Variants in PDIA3 observed in about 807,000 individuals in gnomAD.
The protein encoded by PDIA3 is protein disulfide-isomerase A3.
Under a neutral mutation model 56.9 loss-of-function variants are expected in PDIA3, and 16 were observed. The ratio of observed to expected loss-of-function variants is 0.28; its 90% CI spans 0.19 to 0.43. PDIA3 has a LOEUF of 0.43. Among genes scored for constraint, PDIA3 ranks in the 20% least tolerant of loss-of-function variants. The probability of loss-of-function intolerance (pLI) is 1.00; values close to 1 mark genes in which losing one functional copy is unlikely to be tolerated. For synonymous variants in PDIA3, 192 were observed against 216.5 expected, an observed-to-expected ratio of 0.89 and a Z score of 0.99; for missense variants, 485 against 621.3, an observed-to-expected ratio of 0.78 and a Z score of 2.33.
intron 4 of PDIA3, among the ~76,000 whole-genome samples, chr15:43,762,426 G>T (rs1166013324): frequency 6.6e-6 from 1 of 151,294 alleles, no homozygotes; most frequent in Non-Finnish European, 1.5e-5. Flanking sequence ...CAGGAGAAAC[G>T]CTTGAACCCG....
At chr15:43,750,884 G>A (rs1463792456) in intron 1 of PDIA3, among the ~76,000 whole-genome samples, 9 of 152,066 alleles carry the variant, frequency 5.9e-5, no homozygotes, top group Non-Finnish European at 4.4e-5. Context: ...TGTAATCCCA[G>A]CACTTTGGGA....
intron 3 of PDIA3, among the ~76,000 whole-genome samples, chr15:43,760,483 T>C (rs1022778396): frequency 1.3e-5 from 2 of 151,756 alleles, no homozygotes; most frequent in African/African-American, 4.8e-5. Flanking sequence ...GGCACATTTA[T>C]AGTGAAACAC....
intron 4 of PDIA3, among the ~76,000 whole-genome samples, chr15:43,762,732 GTTTAT>G (rs2086824779): frequency 6.6e-6 from 1 of 152,180 alleles, no homozygotes; most frequent in Non-Finnish European, 1.5e-5. Context: ...GTGGTTTACA[GTTTAT>G]TTTGACATGT....
At chr15:43,755,407 A>T (rs1340984836) in intron 2 of PDIA3, among the ~76,000 whole-genome samples, 1 of 152,208 alleles carries the variant, frequency 6.6e-6, no homozygotes, top group Non-Finnish European at 1.5e-5. Context: ...TACGAAAATG[A>T]TATGAGGATA....
At position 43,753,849 on chromosome 15, in the gene PDIA3, C is replaced by T. The variant is rs2086759900; in HGVS notation, c.193C>T (p.Pro65Ser). 6.2e-7 allele frequency: 1 copy of T among 1,613,530 alleles called. No homozygotes were observed. The highest frequency in any genetic ancestry group is 8.5e-7 in the Non-Finnish European group (1 of 1,179,566). Residue 65 changes from proline to serine, a missense_variant, in exon 2 of 13, where the codon CCT becomes TCT. By Grantham distance (74) the Pro-to-Ser change is moderately conservative. Transcript: ENST00000300289. ...GTGTGGACACTGCAAGAGACTTGCACCTGAGTATGAAGCTGCAGCTACCAG... is the reference window on the plus strand; with the variant it reads ...GTGTGGACACTGCAAGAGACTTGCATCTGAGTATGAAGCTGCAGCTACCAG... The part of the protein sequence containing the change: ...PWCGHCKRLA[P>S]EYEAAATRLK...
intron 1 of PDIA3, among the ~76,000 whole-genome samples, chr15:43,749,215 T>C (rs1315654612): frequency 6.6e-6 from 1 of 152,110 alleles, no homozygotes. Context: ...TGCCTCAGCC[T>C]CCTGAGTAGC....
intron 3 of PDIA3, 123 bp downstream of exon 3, chr15:43,756,889 G>A (rs2086781693): frequency 1.7e-6 from 1 of 588,066 alleles, no homozygotes; most frequent in Non-Finnish European, 3.0e-6. Context: ...CATCTAAGAG[G>A]TCAGTTTGGT....
At chr15:43,767,318 C>T (rs952498888) in intron 8 of PDIA3, among the ~76,000 whole-genome samples, 1 of 152,090 alleles carries the variant, frequency 6.6e-6, no homozygotes. Flanking sequence ...TGCCATTGCA[C>T]TCTGGCCTGG....
At chr15:43,751,574 AC>A in intron 1 of PDIA3, 1 of 1,303,340 alleles carries the variant, frequency 7.7e-7, no homozygotes, top group Non-Finnish European at 1.0e-6. Context: ...TCCCTTAAAT[AC>A]CACCTGAGTT....
At chr15:43,750,470 G>A (rs886260528) in intron 1 of PDIA3, among the ~76,000 whole-genome samples, 3 of 151,184 alleles carry the variant, frequency 2.0e-5, no homozygotes, top group African/African-American at 7.3e-5. Context: ...ATTGATTAGT[G>A]TTAATATGTA....
chr15:43,772,393 A>G lies in PDIA3; in HGVS notation c.*1175A>G, dbSNP rs892332502. ...GTCAATTTTAAGATGAATTTGGTAGAGCCTTATAGTAAAGTATGTATCTTG... is the reference window on the plus strand; with the variant it reads ...GTCAATTTTAAGATGAATTTGGTAGGGCCTTATAGTAAAGTATGTATCTTG... On this transcript the variant is annotated 3_prime_UTR_variant, in exon 13 of 13. Transcript: ENST00000300289. The G allele has an allele frequency of 2.6e-5, 4 of 152,242 alleles. No homozygotes were observed. Among genetic ancestry groups the G allele is most frequent in the Non-Finnish European group, 5.9e-5 (4 of 68,042 alleles). The allele number at this position is 152,242 out of a possible 1,614,324, so 9.4% of individuals were successfully genotyped here. A position where few individuals can be genotyped will look rare whatever the true frequency, so the allele number is the denominator to read the frequency against.
Position 43,766,736 on chromosome 15 carries a change from T to C in PDIA3, c.854T>C (p.Met285Thr). 1 of 1,613,784 alleles carries C rather than the reference T, an allele frequency of 6.2e-7. No homozygotes were observed. Among genetic ancestry groups the C allele is most frequent in the Non-Finnish European group, 8.5e-7 (1 of 1,179,762 alleles). The part of the protein sequence containing the change: ...GSNYWRNRVM[M>T]VAKKFLDAGH... ...TCTCTTGTTTCCCACAGGGTAATGA[T>C]GGTGGCAAAGAAATTCCTGGATGCT... Residue 285 changes from methionine to threonine, a missense_variant, in exon 8 of 13, where the codon ATG becomes ACG. Met to Thr is a moderately conservative substitution (Grantham distance 81, BLOSUM62 -1). Coordinates refer to ENST00000300289, the MANE Select transcript of PDIA3 (RefSeq NM_005313.5).
chr15:43,759,057 G>A (rs1407508568), intron 3 of PDIA3, among the ~76,000 whole-genome samples: 1 of 152,148 alleles, frequency 6.6e-6, no homozygotes, highest in Admixed American at 6.5e-5. Context: ...TTGGGAGGCT[G>A]AGGCAGGCGG....
In PDIA3 at chr15:43,761,494, T is replaced by G. The variant is rs2086815897; in HGVS notation, c.435T>G (p.Phe145Leu). The G allele has an allele frequency of 6.3e-7, 1 of 1,595,628 alleles. No individual in the cohort carries two copies. The highest frequency in any genetic ancestry group is 1.3e-5 in the African/African-American group (1 of 74,364). The change falls in exon 4 of 13, where the codon TTT becomes TTG. Residue 145 changes from phenylalanine to leucine, a missense_variant. Transcript: ENST00000300289. ...ASVPLRTEEE[F>L]KKFISDKDAS... ...TGCCTCTCAGGACTGAGGAAGAATT[T>G]AAGAAATTCATTAGTGATAAAGATG...
intron 5 of PDIA3, among the ~76,000 whole-genome samples, chr15:43,763,806 A>G (rs1296045395): frequency 6.6e-6 from 1 of 151,748 alleles, no homozygotes; most frequent in Admixed American, 6.6e-5. Flanking sequence ...AGAAATATTC[A>G]TAGAGGGGGT....
At chr15:43,752,795 C>G (rs752470427) in intron 1 of PDIA3, 1 of 470,986 alleles carries the variant, frequency 2.1e-6, no homozygotes, top group Non-Finnish European at 4.4e-6. Flanking sequence ...TTGCTGTCTA[C>G]GGGAAGGTTA....
At chr15:43,756,997 C>T (rs998402311) in intron 3 of PDIA3, among the ~76,000 whole-genome samples, 1 of 152,106 alleles carries the variant, frequency 6.6e-6, no homozygotes, top group Non-Finnish European at 1.5e-5. Flanking sequence ...TTTCATTTTA[C>T]AAATATTTAT....
At chr15:43,749,764 A>AC (rs1292855034) in intron 1 of PDIA3, among the ~76,000 whole-genome samples, 1 of 152,086 alleles carries the variant, frequency 6.6e-6, no homozygotes, top group Non-Finnish European at 1.5e-5. Flanking sequence ...GCATGGCCAG[A>AC]CCCCATCTCT....
chr15:43,754,621 G>A (rs2086765477), intron 2 of PDIA3, among the ~76,000 whole-genome samples: 1 of 151,550 alleles, frequency 6.6e-6, no homozygotes, highest in South Asian at 2.1e-4. Context: ...TTCTCAAAAG[G>A]CTGAAGCAGG....
Sources: allele counts gnomAD v4.1 joint callset (sites outside exome capture counted in the v4.1 genomes callset), GRCh38; gene constraint gnomAD v4.1.1; transcripts MANE v1.5; gene names NCBI Gene and HGNC (gene_info 2026-07-23, HGNC 2026-07-21).